Variants in GGA1 observed in about 807,000 individuals in gnomAD.
GGA1 encodes ADP-ribosylation factor-binding protein GGA1.
Under a neutral mutation model 76.9 loss-of-function variants are expected in GGA1, and 18 were observed. The ratio of observed to expected loss-of-function variants is 0.23; its 90% CI spans 0.16 to 0.35. GGA1 has a LOEUF of 0.35. Ranked by LOEUF, GGA1 falls within the 10% of genes least tolerant of loss-of-function variation. The pLI is 1.00. For synonymous variants in GGA1, 342 were observed against 354.7 expected (o/e 0.96, Z 0.40); for missense variants, 755 against 859.0 (o/e 0.88, Z 1.51).
At chr22:37,620,969 G>T (rs987839771) in intron 6 of GGA1, 56 bp downstream of exon 6, 2 of 1,037,416 alleles carry the variant, frequency 1.9e-6, no homozygotes, top group Non-Finnish European at 3.1e-6. Context: ...GGGTCCGTGG[G>T]TTCTGACCTC....
intron 1 of GGA1, chr22:37,609,424 C>T (rs1927056894): frequency 5.7e-6 from 4 of 697,984 alleles, no homozygotes; most frequent in Non-Finnish European, 7.4e-6. Context: ...TTGATTCCTC[C>T]CGCCGCTCCT....
chr22:37,620,151 G>A, intron 4 of GGA1, 87 bp from the exon 5 acceptor site: 3 of 1,488,042 alleles, frequency 2.0e-6, no homozygotes, highest in Non-Finnish European at 2.8e-6. Flanking sequence ...GGGGAGTCCT[G>A]GGGAGGCAGT....
In GGA1 at chr22:37,620,865, T is replaced by C. The variant is rs1348873316; in HGVS notation, c.480T>C (p.Pro160=). The change falls in exon 6 of 17, where the codon CCT becomes CCC. Residue 160 remains proline, a synonymous_variant. Transcript: ENST00000343632. ...CAGATGACACTACCTTTCCCCTTCCTCCTCCACGGCCGAAGAATGTGATCT... is the reference window on the plus strand; with the variant it reads ...CAGATGACACTACCTTTCCCCTTCCCCCTCCACGGCCGAAGAATGTGATCT... ...KLPDDTTFPL[P]PPRPKNVIFE... The C allele has an allele frequency of 1.9e-6, 3 of 1,612,746 alleles. No individual in the cohort carries two copies. The highest frequency in any genetic ancestry group is 2.5e-6 in the Non-Finnish European group (3 of 1,178,904).
intron 4 of GGA1, chr22:37,619,916 G>A: frequency 1.4e-6 from 1 of 700,614 alleles, no homozygotes. Flanking sequence ...GGAGACCTCT[G>A]GCTCCTCTTT....
chr22:37,611,480 G>T (rs1187454387), intron 1 of GGA1, among the ~76,000 whole-genome samples: 1 of 152,184 alleles, frequency 6.6e-6, no homozygotes, highest in Non-Finnish European at 1.5e-5. Context: ...AGTATTCATT[G>T]TTTCTCTTGC....
At chr22:37,617,294 A>G (rs939724150) in intron 3 of GGA1, 47 of 1,298,752 alleles carry the variant, frequency 3.6e-5, no homozygotes, top group Non-Finnish European at 4.6e-5. Flanking sequence ...AGCGTGTTCA[A>G]CACATGGAAT....
chr22:37,611,962 A>G (rs3207099), intron 1 of GGA1, among the ~76,000 whole-genome samples: 1 of 151,188 alleles, frequency 6.6e-6, no homozygotes, highest in African/African-American at 2.4e-5. Flanking sequence ...GACCAGCCTG[A>G]CCAACATGGT....
chr22:37,625,584 G>A lies in GGA1; in HGVS notation c.941-213G>A, dbSNP rs1290778546. Among the ~76,000 whole-genome samples the A allele has an allele frequency of 6.6e-6, 1 of 152,158 alleles. No homozygotes were observed. Among genetic ancestry groups the A allele is most frequent in the Non-Finnish European group, 1.5e-5 (1 of 68,016 alleles). ...GTAGCAGTTTGCCCAGTAGAGCTAA[G>A]AAGGAAATACATTCCGGACAGAAGT... On this transcript the variant is annotated intron_variant, in intron 10 of 16. Transcript: ENST00000343632. The surrounding 1 kb of genome is among the most constrained non-coding windows in gnomAD (Gnocchi z 4.1).
At chr22:37,630,577 CT>C (rs1333043396) in intron 13 of GGA1, 1 of 447,148 alleles carries the variant, frequency 2.2e-6, no homozygotes, top group Non-Finnish European at 4.0e-6. Flanking sequence ...ATCACTTTTT[CT>C]TTTTTTGAGA....
At chr22:37,628,178 A>G (rs1931186102) in intron 11 of GGA1, among the ~76,000 whole-genome samples, 1 of 152,060 alleles carries the variant, frequency 6.6e-6, no homozygotes. Flanking sequence ...GCTGGTCTCA[A>G]ACTTCTGGCT....
chr22:37,614,639 T>C (rs1035253825), intron 2 of GGA1, among the ~76,000 whole-genome samples: 1 of 152,196 alleles, frequency 6.6e-6, no homozygotes, highest in African/African-American at 2.4e-5. Context: ...AGGAGGCCAG[T>C]AGGCCCTTTG....
In GGA1 at chr22:37,630,125, C is replaced by G; in HGVS notation, c.1286C>G (p.Thr429Ser). The G allele has an allele frequency of 6.2e-7, 1 of 1,606,808 alleles. No homozygotes were observed. Among genetic ancestry groups the G allele is most frequent in the Non-Finnish European group, 8.5e-7 (1 of 1,176,776 alleles). ...GACGACCTAGACCTCCTGGGGAAGA[C>G]CCTCCTGCAGCAGTCGCTGCCCCCG... ...GLDDLDLLGK[T>S]LLQQSLPPES... Residue 429 changes from threonine to serine, a missense_variant, in exon 13 of 17, where the codon ACC becomes AGC. Coordinates refer to ENST00000343632, the MANE Select transcript of GGA1 (RefSeq NM_013365.5).
chr22:37,619,722 G>T, intron 4 of GGA1: 2 of 751,060 alleles, frequency 2.7e-6, no homozygotes, highest in Non-Finnish European at 2.5e-6. Context: ...CCACCCCCTT[G>T]GCCCTTCCTT....
rs1159918789 is a variant in GGA1, at chr22:37,627,685, C to A, written c.1093+1736C>A. ...GAGAAGCGAGATGCAGCCGCACTTC[C>A]TGTCCCCGCACTGCACTGGCATAGT... On this transcript the variant is annotated intron_variant, in intron 11 of 16. Transcript: ENST00000343632. 2.0e-5 allele frequency among the ~76,000 whole-genome samples: 3 copies of A among 152,260 alleles called. No individual in the cohort carries two copies. The East Asian group carries it at 5.8e-4, about 29-fold the overall frequency.
intron 11 of GGA1, among the ~76,000 whole-genome samples, chr22:37,629,081 A>C (rs1931333139): frequency 6.6e-6 from 1 of 152,236 alleles, no homozygotes; most frequent in African/African-American, 2.4e-5. Context: ...GGCCAGTGGC[A>C]GGCACAGAGC....
rs775442052 is a variant in GGA1, at chr22:37,623,527, G to C, written c.751-25G>C. On this transcript the variant is annotated intron_variant, in intron 8 of 16. Coordinates refer to ENST00000343632, the MANE Select transcript of GGA1 (RefSeq NM_013365.5). This position sits in a 1 kb window ranked among gnomAD's most constrained non-coding sequence, Gnocchi z 4.6. ...CCACTCCACAGCCCACGCGGACCCTGACCCGCCCATCCTGCTGCCCTCAGG... is the reference window on the plus strand; with the variant it reads ...CCACTCCACAGCCCACGCGGACCCTCACCCGCCCATCCTGCTGCCCTCAGG... The C allele has an allele frequency of 6.2e-7, 1 of 1,612,942 alleles. No homozygotes were observed. The highest frequency in any genetic ancestry group is 8.5e-7 in the Non-Finnish European group (1 of 1,179,376).
chr22:37,620,646 T>C (rs911524907), intron 5 of GGA1, among the ~76,000 whole-genome samples, 167 bp from the exon 6 acceptor site: 1 of 152,116 alleles, frequency 6.6e-6, no homozygotes, highest in Non-Finnish European at 1.5e-5. Flanking sequence ...GCAATTTTGA[T>C]GGAGTAGGTA....
intron 14 of GGA1, 59 bp downstream of exon 14, chr22:37,631,158 G>A: frequency 7.4e-7 from 1 of 1,348,090 alleles, no homozygotes; most frequent in Non-Finnish European, 1.0e-6. Context: ...CCTGTCAGGA[G>A]CTCTGTCTGG....
At chr22:37,626,174 C>T (rs904592767) in intron 11 of GGA1, 9 of 390,008 alleles carry the variant, frequency 2.3e-5, no homozygotes, top group South Asian at 1.1e-4. Context: ...ACCTCTAAGC[C>T]GGCCTCGGAT....
Sources: gnomAD v4.1 joint callset for allele counts (sites outside exome capture counted in the v4.1 genomes callset) on GRCh38, gnomAD v4.1.1 for gene constraint, Gnocchi (gnomAD v3.1) non-coding constraint, MANE v1.5 for transcripts, NCBI Gene and HGNC (gene_info 2026-07-23, HGNC 2026-07-21) for gene names.